The following CASK variants were observed in gnomAD, a reference collection of about 807,000 sequenced individuals.
The protein encoded by CASK is peripheral plasma membrane protein CASK.
In CASK, 4 loss-of-function variants were observed where a neutral mutation model predicts 82.9. The observed-to-expected ratio is 0.05, with a 90% CI of 0.02 to 0.11. The LOEUF is 0.11. Ranked by LOEUF, CASK falls within the 10% of genes least tolerant of loss-of-function variation. CASK has a pLI of 1.00. For synonymous variants in CASK, 259 were observed against 253.5 expected (o/e 1.02, Z -0.20); for missense variants, 358 against 720.9 (o/e 0.50, Z 5.76).
Position 41,640,524 on chromosome X carries a change from A to C in CASK, c.832-3863T>G, listed in dbSNP as rs140699551. Among the ~76,000 whole-genome samples the C allele has an allele frequency of 8.4e-3, 939 of 111,344 alleles. 7 individuals are homozygous for C. Among genetic ancestry groups the C allele is most frequent in the African/African-American group, 0.029 (898 of 30,678 alleles). Reference sequence around the variant, plus strand: ...GCCTCCATTGTTCTATATCTTTGTCAACAATTGGTATGGTCAGTCTTTTTG... The same window carrying C: ...GCCTCCATTGTTCTATATCTTTGTCCACAATTGGTATGGTCAGTCTTTTTG... On this transcript the variant is annotated intron_variant, in intron 8 of 26. Transcript: ENST00000378163.
chrX:41,855,533 G>C (rs1375473234), intron 1 of CASK, among the ~76,000 whole-genome samples: 1 of 111,755 alleles, frequency 8.9e-6, no homozygotes, highest in Non-Finnish European at 1.9e-5. Flanking sequence ...AAAGGGAGGA[G>C]TGATAAAGTA....
chrX:41,678,487 A>G lies in CASK; in HGVS notation c.430-6957T>C, dbSNP rs979152539. Among the ~76,000 whole-genome samples the G allele has an allele frequency of 3.6e-5, 4 of 112,053 alleles. No individual in the cohort carries two copies. In the South Asian group the frequency reaches 1.1e-3, roughly 31 times the overall value. ...AGAATCTTGATTAGATTCAGATTCA[A>G]TTTTAGTTTTATGCACTAATACTTC... On this transcript the variant is annotated intron_variant, in intron 5 of 26. Transcript: ENST00000378163.
At position 41,642,160 on chromosome X, in the gene CASK, G is replaced by T. The variant is rs1199943720; in HGVS notation, c.832-5499C>A. On this transcript the variant is annotated intron_variant, in intron 8 of 26. Transcript: ENST00000378163. ...CAGTCTATCAATGATGGACATTTGG[G>T]TTGGTTCCAAGTCTTTGCTATTGTG... 3.6e-5 allele frequency among the ~76,000 whole-genome samples: 4 copies of T among 111,377 alleles called. No homozygotes were observed. The East Asian group carries it at 8.4e-4, about 23-fold the overall frequency.
Position 41,829,524 on chromosome X carries a change from C to T in CASK, c.172+23591G>A, listed in dbSNP as rs760233704. Among the ~76,000 whole-genome samples the T allele has an allele frequency of 4.1e-5, 4 of 97,626 alleles. No individual in the cohort carries two copies. The East Asian group carries it at 1.3e-3, about 33-fold the overall frequency. The allele number at this position is 97,626 out of a possible 115,157, so 84.8% of individuals were successfully genotyped here. A position where few individuals can be genotyped will look rare whatever the true frequency, so the allele number is the denominator to read the frequency against. ...ACAGTGGTATTTATTTATGTCATTCCGCCACTGTTGGACATTTGGGTTGTT... is the reference window on the plus strand; with the variant it reads ...ACAGTGGTATTTATTTATGTCATTCTGCCACTGTTGGACATTTGGGTTGTT... On this transcript the variant is annotated intron_variant, in intron 2 of 26. Transcript: ENST00000378163.
At chrX:41,604,845 A>C (rs1251537267) in intron 12 of CASK, among the ~76,000 whole-genome samples, 1 of 112,404 alleles carries the variant, frequency 8.9e-6, no homozygotes, top group Non-Finnish European at 1.9e-5. Flanking sequence ...TTGGATAGCA[A>C]ATATTTAGAG....
At chrX:41,799,962 T>C (rs764873722) in intron 2 of CASK, among the ~76,000 whole-genome samples, 1 of 107,872 alleles carries the variant, frequency 9.3e-6, no homozygotes, top group East Asian at 2.9e-4. Context: ...GGAAGGCCTA[T>C]ATAGAGCAAG....
intron 10 of CASK, among the ~76,000 whole-genome samples, chrX:41,624,673 C>T (rs957623930): frequency 8.9e-6 from 1 of 111,766 alleles, no homozygotes; most frequent in Non-Finnish European, 1.9e-5. Context: ...GGTACAAGCA[C>T]ATACTAATTG....
chrX:41,774,687 A>C (rs1459329296), intron 3 of CASK, among the ~76,000 whole-genome samples: 3 of 110,407 alleles, frequency 2.7e-5, no homozygotes, highest in Admixed American at 1.9e-4. Context: ...CAAAACAGAG[A>C]TATAGATCAA....
At chrX:41,706,981 T>C (rs2067897109) in intron 5 of CASK, among the ~76,000 whole-genome samples, 1 of 112,282 alleles carries the variant, frequency 8.9e-6, no homozygotes, top group Non-Finnish European at 1.9e-5. Flanking sequence ...ATACACATAC[T>C]ATAGTAATCC....
At chrX:41,635,908 T>A (rs1203174448) in intron 9 of CASK, 1 of 95,242 alleles carries the variant, frequency 1.0e-5, no homozygotes, top group Non-Finnish European at 2.1e-5. Flanking sequence ...TTTTTTTTTT[T>A]TTTTTGAGAT....
At chrX:41,772,358 A>G (rs1247075492) in intron 3 of CASK, among the ~76,000 whole-genome samples, 2 of 106,565 alleles carry the variant, frequency 1.9e-5, no homozygotes, top group African/African-American at 6.8e-5. Context: ...AAAAAAAAAA[A>G]AAAAAAAAAA....
rs1209203658 is a variant in CASK at position 41,517,358 on chromosome X, TA to T, written c.*3061del. On this transcript the variant is annotated 3_prime_UTR_variant, in exon 27 of 27. Transcript: ENST00000378163. ...CATCTCACCTGACAAGAGATACATT[TA>T]ATTGCATTTAAAAAGGCTACAATGT... 2 of 130,035 alleles carry T rather than the reference TA, an allele frequency of 1.5e-5. No homozygotes were observed. 10.7% of individuals were successfully genotyped at this position (130,035 alleles called of 1,213,427 possible). A position where few individuals can be genotyped will look rare whatever the true frequency, so the allele number is the denominator to read the frequency against.
intron 11 of CASK, 120 bp from the exon 12 acceptor site, chrX:41,610,145 G>A: frequency 2.9e-6 from 2 of 694,998 alleles, no homozygotes; most frequent in South Asian, 4.8e-5. Flanking sequence ...AAAGGCTAGT[G>A]TCTTTACTGA....
chrX:41,609,269 C>T (rs191064963), intron 12 of CASK, among the ~76,000 whole-genome samples: 6 of 111,480 alleles, frequency 5.4e-5, no homozygotes, highest in Admixed American at 2.9e-4. Flanking sequence ...GCATGCACCA[C>T]CACAACTGGC....
chrX:41,855,004 T>C (rs1273548702), intron 1 of CASK, among the ~76,000 whole-genome samples: 1 of 112,285 alleles, frequency 8.9e-6, no homozygotes, highest in Non-Finnish European at 1.9e-5. Flanking sequence ...CTATTTATGA[T>C]ACATTTGAAT....
intron 1 of CASK, among the ~76,000 whole-genome samples, chrX:41,905,492 C>A (rs1330794012): frequency 8.9e-6 from 1 of 112,744 alleles, no homozygotes; most frequent in Admixed American, 9.4e-5. Flanking sequence ...ATGTTGAGCA[C>A]CTTTCCGTGT....
At chrX:41,832,983 G>A (rs2070853424) in intron 2 of CASK, among the ~76,000 whole-genome samples, 1 of 111,777 alleles carries the variant, frequency 8.9e-6, no homozygotes, top group Non-Finnish European at 1.9e-5. Context: ...ACATAGAAAA[G>A]GGAACTCATT....
intron 7 of CASK, among the ~76,000 whole-genome samples, chrX:41,662,047 G>A (rs2067042097): frequency 9.0e-6 from 1 of 111,574 alleles, no homozygotes; most frequent in Non-Finnish European, 1.9e-5. Flanking sequence ...ATACTCCCTT[G>A]TCCTTTTTAC....
chrX:41,650,442 T>G (rs1317596226), intron 8 of CASK, among the ~76,000 whole-genome samples: 4 of 101,786 alleles, frequency 3.9e-5, no homozygotes, highest in African/African-American at 1.6e-4. Context: ...ATGCCTGGTT[T>G]TTGTGGTTTT....
Sources: gnomAD v4.1 joint callset for allele counts (sites outside exome capture counted in the v4.1 genomes callset) on GRCh38, gnomAD v4.1.1 for gene constraint, MANE v1.5 for transcripts, NCBI Gene and HGNC (gene_info 2026-07-23, HGNC 2026-07-21) for gene names.